The following SLC12A9 variants were observed in gnomAD, a reference collection of about 807,000 sequenced individuals.
SLC12A9 encodes the protein CCC-interacting protein 1.
Under a neutral mutation model 66.0 loss-of-function variants are expected in SLC12A9, and 55 were observed. The ratio of observed to expected loss-of-function variants is 0.83; its 90% confidence interval spans 0.67 to 1.04. SLC12A9 has a LOEUF of 1.04. Among genes scored for constraint, SLC12A9 ranks in the 50% least tolerant of loss-of-function variants. The pLI is 0.00. For missense variants in SLC12A9, 1,061 were observed against 1,241.9 expected (o/e 0.85, Z 2.19); for synonymous variants, 577 against 569.0 (o/e 1.01, Z -0.20).
At chr7:100,840,026 C>T (rs986687140) in intron 1 of SLC12A9, among the ~76,000 whole-genome samples, 6 of 151,448 alleles carry the variant, frequency 4.0e-5, no homozygotes, top group Non-Finnish European at 8.8e-5. Context: ...GTGCCTGTAC[C>T]GGCACTTTAG....
intron 1 of SLC12A9, among the ~76,000 whole-genome samples, chr7:100,846,880 G>A (rs1403441952): frequency 6.6e-5 from 10 of 152,136 alleles, no homozygotes; most frequent in African/African-American, 2.2e-4. Context: ...TGACCTAATC[G>A]GTTATGTTAT....
chr7:100,846,847 C>T (rs771361286), intron 1 of SLC12A9, among the ~76,000 whole-genome samples: 2 of 152,110 alleles, frequency 1.3e-5, no homozygotes, highest in African/African-American at 4.8e-5. Flanking sequence ...ACACCCTAGG[C>T]CTAGTAGTTA....
chr7:100,855,027 G>T (rs190730256), intron 3 of SLC12A9, among the ~76,000 whole-genome samples: 21 of 152,140 alleles, frequency 1.4e-4, no homozygotes, highest in African/African-American at 4.6e-4. Flanking sequence ...AGCTGGGCAT[G>T]ATGGCACCCG....
chr7:100,839,413 C>A (rs919472009), intron 1 of SLC12A9, among the ~76,000 whole-genome samples: 1 of 152,180 alleles, frequency 6.6e-6, no homozygotes, highest in Non-Finnish European at 1.5e-5. Context: ...TAAACCCCTT[C>A]CTTCTTTAAC....
chr7:100,830,885 C>T (rs1453732259), intron 1 of SLC12A9, among the ~76,000 whole-genome samples: 1 of 152,068 alleles, frequency 6.6e-6, no homozygotes, highest in African/African-American at 2.4e-5. Context: ...TCATGTCCTC[C>T]ACCCTTAGAC....
At chr7:100,828,011 GGGAAAAGGAA>G (rs984564110) in intron 1 of SLC12A9, among the ~76,000 whole-genome samples, 7 of 152,140 alleles carry the variant, frequency 4.6e-5, no homozygotes, top group African/African-American at 1.7e-4. Flanking sequence ...TGCGTTTTGG[GGGAAAAGGAA>G]GGAAAAGGGA....
At chr7:100,855,870 G>T (rs776535500) in intron 4 of SLC12A9, 33 bp downstream of exon 4, 1 of 1,562,854 alleles carries the variant, frequency 6.4e-7, no homozygotes, top group Non-Finnish European at 8.7e-7. Flanking sequence ...GCAGTGCTGC[G>T]GGTTTACAGG....
rs956507949 is a variant in SLC12A9, at chr7:100,859,123, T to A, written c.939T>A (p.Tyr313Ter). ...CCGTCGCCTACACCTTCTTCGTCTA[T>A]GTCCTGCTTTTCTTTCTCTCCAGCT... is the stretch of plus-strand genomic sequence containing the variant. ...IVAVAYTFFV[Y>*]VLLFFLSSFT... The change falls in exon 7 of 14, where the codon TAT becomes TAA. Residue 313 changes from tyrosine (Y) to a stop codon, truncating the protein, a stop_gained. Coordinates refer to ENST00000354161, the MANE Select transcript of SLC12A9 (RefSeq NM_020246.4). LOFTEE classifies it high-confidence loss of function. 1 of 1,613,970 alleles carries A rather than the reference T, an allele frequency of 6.2e-7. No homozygotes were observed. The highest frequency in any genetic ancestry group is 8.5e-7 in the Non-Finnish European group (1 of 1,180,010).
rs372367006 is a variant in SLC12A9, at chr7:100,861,120, C to T, written c.1219-18C>T. Reference sequence around the variant, plus strand: ...CTGGCACTTTGGAACAACGGCACGCCTCTTGGCCCTTGCCCAGCTGGTGCT... The same window carrying T: ...CTGGCACTTTGGAACAACGGCACGCTTCTTGGCCCTTGCCCAGCTGGTGCT... On this transcript the variant is annotated intron_variant, in intron 9 of 13. Transcript: ENST00000354161. This position sits in a 1 kb window ranked among gnomAD's most constrained non-coding sequence, Gnocchi z 5.3. 3 of 1,614,060 alleles carry T rather than the reference C, an allele frequency of 1.9e-6. No individual in the cohort carries two copies. Among genetic ancestry groups the T allele is most frequent in the South Asian group, 2.2e-5 (2 of 91,096 alleles).
At chr7:100,858,763 G>C (rs1814557628) in intron 5 of SLC12A9, 72 bp from the exon 6 acceptor site, 1 of 1,429,040 alleles carries the variant, frequency 7.0e-7, no homozygotes, top group Admixed American at 1.7e-5. Context: ...AATGTGTGGA[G>C]AGGGTGGCTA....
chr7:100,841,298 T>C (rs571174825), intron 1 of SLC12A9, among the ~76,000 whole-genome samples: 50 of 151,844 alleles, frequency 3.3e-4, no homozygotes, highest in South Asian at 1.9e-3. Context: ...CTAGGCCTCC[T>C]GAATGTAAAA....
intron 12 of SLC12A9, 108 bp downstream of exon 12, chr7:100,862,019 G>C (rs1426846903): frequency 2.5e-6 from 3 of 1,217,000 alleles, no homozygotes; most frequent in Non-Finnish European, 3.4e-6. Flanking sequence ...GAGTGCAGTG[G>C]GACGATCTTG....
chr7:100,861,830 G>T lies in SLC12A9; in HGVS notation c.1630G>T (p.Ala544Ser). The change falls in exon 12 of 14, where the codon GCC (alanine) becomes TCC (serine). Residue 544 changes from alanine (A) to serine (S), a missense_variant. Physicochemically the swap from Ala to Ser is moderately conservative, Grantham distance 99 (BLOSUM62 1). Transcript: ENST00000354161. This position sits in a 1 kb window ranked among gnomAD's most constrained non-coding sequence, Gnocchi z 5.3. ...LLLLVGNPRG[A>S]LPLLRLANQL... Reference sequence around the variant, plus strand: ...GCTCCTGGTGGGGAACCCCCGGGGCGCCCTGCCTCTGCTGCGGTTGGCCAA... The same window carrying T: ...GCTCCTGGTGGGGAACCCCCGGGGCTCCCTGCCTCTGCTGCGGTTGGCCAA... 6 of 1,613,598 alleles carry T rather than the reference G, an allele frequency of 3.7e-6. No individual in the cohort carries two copies. Among genetic ancestry groups the T allele is most frequent in the Non-Finnish European group, 3.4e-6 (4 of 1,179,938 alleles).
At chr7:100,851,784 CAAA>C (rs66749400), upstream of SLC12A9, among the ~76,000 whole-genome samples, 18 of 74,240 alleles carry the variant, frequency 2.4e-4, no homozygotes, top group South Asian at 6.0e-4. Flanking sequence ...GTTCCTGGAT[CAAA>C]AAAAAAAAAA....
intron 5 of SLC12A9, 35 bp downstream of exon 5, chr7:100,857,211 G>A: frequency 6.3e-7 from 1 of 1,587,836 alleles, no homozygotes; most frequent in Non-Finnish European, 8.6e-7. Context: ...GGATCTCGGG[G>A]TGAGGGGTGG....
intron 1 of SLC12A9, among the ~76,000 whole-genome samples, chr7:100,841,683 A>T (rs1208006001): frequency 6.6e-6 from 1 of 152,202 alleles, no homozygotes; most frequent in Non-Finnish European, 1.5e-5. Context: ...ATAAAGTTTT[A>T]TTAAAATTAG....
Position 100,866,580 on chromosome 7 carries a change from C to T in SLC12A9, c.2720C>T (p.Thr907Ile), listed in dbSNP as rs889016777. ...LGPTLLVHGVTPVTCTDL is the reference protein window; with the variant it reads ...LGPTLLVHGVIPVTCTDL ...CCCACGCTGCTGGTTCATGGGGTCA[C>T]TCCAGTCACCTGCACTGATCTGTGA... Residue 907 changes from threonine to isoleucine, a missense_variant, in exon 14 of 14, where the codon ACT becomes ATT. Transcript: ENST00000354161. This position sits in a 1 kb window ranked among gnomAD's most constrained non-coding sequence, Gnocchi z 7.3. The T allele has an allele frequency of 1.9e-6, 3 of 1,586,158 alleles. No homozygotes were observed. The African/African-American group carries it at 4.0e-5, about 21-fold the overall frequency.
chr7:100,857,306 C>T, intron 5 of SLC12A9, 130 bp downstream of exon 5: 1 of 1,043,488 alleles, frequency 9.6e-7, no homozygotes, highest in Non-Finnish European at 1.4e-6. Flanking sequence ...GACTGCAGAG[C>T]AGTGCAATTT....
intron 13 of SLC12A9, chr7:100,865,452 T>C: frequency 6.5e-7 from 1 of 1,535,758 alleles, no homozygotes; most frequent in Non-Finnish European, 8.7e-7. Flanking sequence ...GAGTGCTCAT[T>C]AGTGGCAAGA....
Sources: gnomAD v4.1 joint callset for allele counts (sites outside exome capture counted in the v4.1 genomes callset) on GRCh38, gnomAD v4.1.1 for gene constraint, Gnocchi (gnomAD v3.1) non-coding constraint, MANE v1.5 for transcripts, NCBI Gene and HGNC (gene_info 2026-07-23, HGNC 2026-07-21) for gene names.